UBE2U: variants seen among roughly 807,000 people sequenced by gnomAD.
UBE2U encodes ubiquitin-conjugating enzyme E2 U.
A neutral mutation model predicts 41.2 loss-of-function variants in UBE2U; 39 were observed. That is an observed-to-expected ratio of 0.95 (90% CI 0.73 to 1.24). UBE2U has a LOEUF of 1.24. Among genes scored for constraint, UBE2U ranks in the 50% most tolerant of loss-of-function variants. The pLI, the probability that UBE2U is intolerant of heterozygous loss-of-function variation, is 0.00. For missense variants in UBE2U, 336 were observed against 363.1 expected (o/e 0.93, Z 0.61); for synonymous variants, 107 against 117.8 (o/e 0.91, Z 0.60).
intron 3 of UBE2U, among the ~76,000 whole-genome samples, chr1:64,209,794 A>G (rs1003741677): frequency 4.0e-5 from 6 of 150,392 alleles, no homozygotes; most frequent in African/African-American, 7.3e-5. Flanking sequence ...TAAAGTTCTT[A>G]TTTTAGCACC....
chr1:64,235,342 G>A (rs923938280), intron 7 of UBE2U, among the ~76,000 whole-genome samples: 3 of 152,222 alleles, frequency 2.0e-5, no homozygotes, highest in Non-Finnish European at 2.9e-5. Flanking sequence ...TCTTCTTCTA[G>A]GGAATTGTTA....
Position 64,206,895 on chromosome 1 carries a change from T to C in UBE2U, c.241+39T>C, listed in dbSNP as rs76159914. ...GACATTTTTATCATTAGAGGCTTTG[T>C]CCCTATTATCCTTGTTTCTTATAAT... is the stretch of plus-strand genomic sequence containing the variant. On this transcript the variant is annotated intron_variant, in intron 3 of 9. Transcript: ENST00000371077. 3.3e-3 allele frequency: 3,691 copies of C among 1,129,272 alleles called. 70 individuals are homozygous for C. In the East Asian group the frequency reaches 0.049, roughly 15 times the overall value. 70.0% of individuals were successfully genotyped at this position (1,129,272 alleles called of 1,614,324 possible).
intron 8 of UBE2U, among the ~76,000 whole-genome samples, chr1:64,250,535 C>T (rs1644989535): frequency 6.6e-6 from 1 of 152,136 alleles, no homozygotes; most frequent in East Asian, 1.9e-4. Context: ...ACTGGAAATA[C>T]CATTTGGCCC....
intron 9 of UBE2U, among the ~76,000 whole-genome samples, chr1:64,262,502 C>G (rs138041546): frequency 1.0e-3 from 157 of 152,204 alleles, no homozygotes; most frequent in African/African-American, 3.5e-3. Flanking sequence ...TCGACAGAAT[C>G]CATTTTCTTC....
At chr1:64,265,533 T>C (rs1378960559) in intron 9 of UBE2U, among the ~76,000 whole-genome samples, 3 of 152,176 alleles carry the variant, frequency 2.0e-5, no homozygotes, top group African/African-American at 4.8e-5. Context: ...AGGATAACCA[T>C]AGGATAATGG....
chr1:64,220,725 T>C, intron 5 of UBE2U, 134 bp from the exon 6 acceptor site: 1 of 712,128 alleles, frequency 1.4e-6, no homozygotes. Flanking sequence ...ATCTTTCTTT[T>C]GCTCTCCTTG....
intron 5 of UBE2U, among the ~76,000 whole-genome samples, chr1:64,215,786 C>T (rs1179161598): frequency 1.3e-5 from 2 of 152,202 alleles, no homozygotes; most frequent in Non-Finnish European, 2.9e-5. Flanking sequence ...CTCGTTATGA[C>T]TCCTAACTCC....
intron 9 of UBE2U, among the ~76,000 whole-genome samples, chr1:64,261,481 A>G (rs1327504588): frequency 1.3e-5 from 2 of 152,230 alleles, no homozygotes; most frequent in Non-Finnish European, 1.5e-5. Flanking sequence ...ACATAACAGC[A>G]TATAAATGCC....
intron 6 of UBE2U, among the ~76,000 whole-genome samples, chr1:64,229,596 G>T (rs779897870): frequency 2.6e-5 from 4 of 152,196 alleles, no homozygotes; most frequent in Non-Finnish European, 4.4e-5. Flanking sequence ...TCCAGACCCT[G>T]AGTATCCATG....
At chr1:64,224,479 C>T (rs35275639) in intron 6 of UBE2U, among the ~76,000 whole-genome samples, 26,706 of 151,992 alleles carry the variant, frequency 0.18, 2,851 homozygotes, top group Non-Finnish European at 0.24. Context: ...TCCCAGCACT[C>T]TGGGAGGCCG....
chr1:64,237,165 C>A (rs1272089184), intron 7 of UBE2U, among the ~76,000 whole-genome samples: 1 of 152,018 alleles, frequency 6.6e-6, no homozygotes, highest in Non-Finnish European at 1.5e-5. Flanking sequence ...CTTTATGTTG[C>A]TCTATGGTTA....
At chr1:64,213,126 G>C (rs960425222) in intron 4 of UBE2U, among the ~76,000 whole-genome samples, 23 of 152,044 alleles carry the variant, frequency 1.5e-4, no homozygotes, top group African/African-American at 4.8e-4. Flanking sequence ...CTTCTCCACA[G>C]GTGTAAGCTC....
At chr1:64,227,012 A>G (rs1404137111) in intron 6 of UBE2U, among the ~76,000 whole-genome samples, 2 of 152,240 alleles carry the variant, frequency 1.3e-5, no homozygotes, top group Non-Finnish European at 2.9e-5. Context: ...TACTAGCCAA[A>G]TAAAGGGAAA....
At chr1:64,225,787 C>T (rs1652827229) in intron 6 of UBE2U, among the ~76,000 whole-genome samples, 1 of 152,164 alleles carries the variant, frequency 6.6e-6, no homozygotes, top group South Asian at 2.1e-4. Context: ...TGGGTGGGTT[C>T]TGCTGTCATT....
intron 6 of UBE2U, among the ~76,000 whole-genome samples, chr1:64,222,879 C>T (rs1460829321): frequency 5.9e-5 from 9 of 152,112 alleles, no homozygotes; most frequent in Admixed American, 1.3e-4. Context: ...GTTGGACCCC[C>T]GGTTTCTAAA....
At chr1:64,257,307 C>T (rs567286100) in intron 8 of UBE2U, among the ~76,000 whole-genome samples, 1 of 152,250 alleles carries the variant, frequency 6.6e-6, no homozygotes, top group East Asian at 1.9e-4. Flanking sequence ...AGGACACATG[C>T]ATGCCTATGT....
Position 64,203,917 on chromosome 1 carries a change from G to A in UBE2U, c.-134G>A, listed in dbSNP as rs1651127706. The A allele has an allele frequency of 1.5e-6, 1 of 645,330 alleles. No individual in the cohort carries two copies. Among genetic ancestry groups the A allele is most frequent in the Non-Finnish European group, 2.6e-6 (1 of 389,730 alleles). 40.0% of individuals were successfully genotyped at this position (645,330 alleles called of 1,614,324 possible). Reference sequence around the variant, plus strand: ...TTTAGAAGCCGCTTATCTTGGTACCGTTCTGAGGTTCTAGAAAGCAAGTAA... The same window carrying A: ...TTTAGAAGCCGCTTATCTTGGTACCATTCTGAGGTTCTAGAAAGCAAGTAA... On this transcript the variant is annotated 5_prime_UTR_variant, in exon 1 of 10. Coordinates refer to ENST00000371077, the MANE Select transcript of UBE2U (RefSeq NM_001366232.2).
At chr1:64,250,607 T>G (rs1220506125) in intron 8 of UBE2U, among the ~76,000 whole-genome samples, 1 of 152,104 alleles carries the variant, frequency 6.6e-6, no homozygotes, top group Non-Finnish European at 1.5e-5. Flanking sequence ...TAAAGACACA[T>G]GCACACATAT....
intron 2 of UBE2U, 37 bp downstream of exon 2, chr1:64,205,757 G>A (rs375674085): frequency 6.5e-7 from 1 of 1,545,932 alleles, no homozygotes; most frequent in Non-Finnish European, 8.9e-7. Flanking sequence ...TTTTAAAAAA[G>A]TCTTTATACC....
Sources: allele counts gnomAD v4.1 joint callset (sites outside exome capture counted in the v4.1 genomes callset), GRCh38; gene constraint gnomAD v4.1.1; transcripts MANE v1.5; gene names NCBI Gene and HGNC (gene_info 2026-07-23, HGNC 2026-07-21).